LHFPL3: variants seen among roughly 807,000 people sequenced by gnomAD.
LHFPL3 encodes LHFPL tetraspan subfamily member 3.
LHFPL3 carries 5 observed loss-of-function variants against 19.3 expected under a neutral mutation model. That is an observed-to-expected ratio of 0.26 (90% CI 0.14 to 0.54). LHFPL3 has a LOEUF of 0.54. Ranked by LOEUF, LHFPL3 falls within the 20% of genes least tolerant of loss-of-function variation. The pLI, the probability that LHFPL3 is intolerant of heterozygous loss-of-function variation, is 0.94. For missense variants in LHFPL3, 249 were observed against 307.4 expected (o/e 0.81, Z 1.42); for synonymous variants, 133 against 126.2 (o/e 1.05, Z -0.36).
Position 104,461,225 on chromosome 7 carries a change from C to T in LHFPL3, c.445+132001C>T, listed in dbSNP as rs552705398. Reference sequence around the variant, plus strand: ...AAAACCATCAGATCTCCTGAGAACTCACTATTACGAGAACCGTGTGGGGGA... The same window carrying T: ...AAAACCATCAGATCTCCTGAGAACTTACTATTACGAGAACCGTGTGGGGGA... On this transcript the variant is annotated intron_variant, in intron 1 of 2. Transcript: ENST00000424859. 9.8e-5 allele frequency among the ~76,000 whole-genome samples: 15 copies of T among 152,308 alleles called. No individual in the cohort carries two copies. The South Asian group carries it at 2.9e-3, about 29-fold the overall frequency.
At chr7:104,894,209 T>C (rs1447815037) in intron 2 of LHFPL3, among the ~76,000 whole-genome samples, 1 of 152,230 alleles carries the variant, frequency 6.6e-6, no homozygotes, top group Non-Finnish European at 1.5e-5. Flanking sequence ...GAGTTACTTT[T>C]GTCATTGTTA....
At chr7:104,743,042 A>T (rs996081308) in intron 2 of LHFPL3, among the ~76,000 whole-genome samples, 1 of 152,080 alleles carries the variant, frequency 6.6e-6, no homozygotes, top group African/African-American at 2.4e-5. Context: ...AATCTCTTGA[A>T]CCTGGGAGGC....
intron 1 of LHFPL3, among the ~76,000 whole-genome samples, chr7:104,497,125 T>C (rs1045365989): frequency 6.6e-6 from 1 of 151,998 alleles, no homozygotes; most frequent in Admixed American, 6.6e-5. Flanking sequence ...GATTATCTGA[T>C]TACCATTATT....
At chr7:104,783,921 C>T (rs938460279) in intron 2 of LHFPL3, among the ~76,000 whole-genome samples, 3 of 152,110 alleles carry the variant, frequency 2.0e-5, no homozygotes, top group African/African-American at 7.2e-5. Context: ...TTAACATGTC[C>T]ATCAACTTTC....
intron 2 of LHFPL3, among the ~76,000 whole-genome samples, chr7:104,783,059 C>T (rs1226909930): frequency 6.6e-6 from 1 of 152,236 alleles, no homozygotes; most frequent in Admixed American, 6.5e-5. Flanking sequence ...GCATCAGCAT[C>T]AACTGGGAAC....
chr7:104,865,092 G>T (rs2116645230), intron 2 of LHFPL3, among the ~76,000 whole-genome samples: 1 of 152,178 alleles, frequency 6.6e-6, no homozygotes, highest in Admixed American at 6.5e-5. Flanking sequence ...CATCATCAAA[G>T]ACCAAAGGTA....
intron 1 of LHFPL3, among the ~76,000 whole-genome samples, chr7:104,384,216 C>A (rs1342925675): frequency 1.3e-5 from 2 of 151,344 alleles, no homozygotes; most frequent in South Asian, 2.1e-4. Context: ...GTTATTAATT[C>A]CAAAAATTGA....
chr7:104,593,963 AATATAGCACACTC>A (rs545738919), intron 1 of LHFPL3, among the ~76,000 whole-genome samples: 2 of 152,226 alleles, frequency 1.3e-5, no homozygotes, highest in South Asian at 4.1e-4. Context: ...GGGTCTCCTG[AATATAGCACACTC>A]ATGAGTCTTA....
At chr7:104,857,811 C>T (rs1791538053) in intron 2 of LHFPL3, among the ~76,000 whole-genome samples, 1 of 152,170 alleles carries the variant, frequency 6.6e-6, no homozygotes, top group African/African-American at 2.4e-5. Context: ...GCTCCCAAAA[C>T]TGGCACCCTC....
intron 1 of LHFPL3, among the ~76,000 whole-genome samples, chr7:104,561,652 T>C (rs1790006489): frequency 6.6e-6 from 1 of 152,202 alleles, no homozygotes; most frequent in African/African-American, 2.4e-5. Context: ...CCAGTCTGTG[T>C]CTTTTAATTG....
intron 1 of LHFPL3, among the ~76,000 whole-genome samples, chr7:104,574,875 C>A (rs1004796586): frequency 6.6e-6 from 1 of 151,956 alleles, no homozygotes; most frequent in Non-Finnish European, 1.5e-5. Context: ...AGAAGAGTGA[C>A]AATAAAACAC....
At chr7:104,584,842 G>A (rs1262258661) in intron 1 of LHFPL3, among the ~76,000 whole-genome samples, 3 of 152,176 alleles carry the variant, frequency 2.0e-5, no homozygotes, top group Non-Finnish European at 4.4e-5. Context: ...GTAAACAGAA[G>A]TCAGCATGGT....
chr7:104,784,053 G>C (rs1265596103), intron 2 of LHFPL3, among the ~76,000 whole-genome samples: 1 of 152,162 alleles, frequency 6.6e-6, no homozygotes, highest in African/African-American at 2.4e-5. Flanking sequence ...GAGTGCTGCT[G>C]GTGATGTGTA....
chr7:104,582,778 G>GA (rs142292832), intron 1 of LHFPL3, among the ~76,000 whole-genome samples: 18,462 of 151,238 alleles, frequency 0.12, 1,237 homozygotes, highest in Non-Finnish European at 0.15. Context: ...TGCATTCCTG[G>GA]AAAAAACCCA....
chr7:104,517,999 A>G (rs1162223847), intron 1 of LHFPL3, among the ~76,000 whole-genome samples: 1 of 152,134 alleles, frequency 6.6e-6, no homozygotes, highest in African/African-American at 2.4e-5. Flanking sequence ...CATGTACCCC[A>G]GAACTTAAAG....
chr7:104,583,311 C>G (rs1002125848), intron 1 of LHFPL3, among the ~76,000 whole-genome samples: 2 of 152,122 alleles, frequency 1.3e-5, no homozygotes, highest in Non-Finnish European at 2.9e-5. Context: ...AAAATTAATT[C>G]AAGATGGATT....
intron 2 of LHFPL3, among the ~76,000 whole-genome samples, chr7:104,737,381 T>C (rs1264799866): frequency 6.6e-6 from 1 of 152,182 alleles, no homozygotes; most frequent in Non-Finnish European, 1.5e-5. Context: ...AGACCCAACT[T>C]CTCAGAGAGA....
At chr7:104,507,236 C>G (rs1406672523) in intron 1 of LHFPL3, among the ~76,000 whole-genome samples, 4 of 151,016 alleles carry the variant, frequency 2.6e-5, no homozygotes, top group African/African-American at 4.9e-5. Context: ...ACCAAAACAG[C>G]ATGGTACTGG....
At chr7:104,557,665 T>A (rs1026470817) in intron 1 of LHFPL3, among the ~76,000 whole-genome samples, 2 of 151,776 alleles carry the variant, frequency 1.3e-5, no homozygotes, top group African/African-American at 4.8e-5. Flanking sequence ...TTATTTTTTA[T>A]TTTTATTTTT....
Sources: gnomAD v4.1 joint callset for allele counts (sites outside exome capture counted in the v4.1 genomes callset) on GRCh38, gnomAD v4.1.1 for gene constraint, MANE v1.5 for transcripts, NCBI Gene and HGNC (gene_info 2026-07-23, HGNC 2026-07-21) for gene names.